DDX60L: variants seen among roughly 807,000 people sequenced by gnomAD.
DDX60L encodes DExD/H-box 60 like.
Under a neutral mutation model 211.6 loss-of-function variants are expected in DDX60L, and 191 were observed. The observed-to-expected ratio is 0.90, with a 90% CI of 0.80 to 1.02. The LOEUF is 1.02. Ranked by LOEUF, DDX60L falls within the 50% of genes least tolerant of loss-of-function variation. The pLI is 0.00. For missense variants in DDX60L, 2,007 were observed against 1,984.1 expected (o/e 1.01, Z -0.22); for synonymous variants, 706 against 694.1 (o/e 1.02, Z -0.27).
At chr4:168,422,720 T>C (rs1750832805) in intron 15 of DDX60L, 50 bp from the exon 16 acceptor site, 1 of 1,370,618 alleles carries the variant, frequency 7.3e-7, no homozygotes. Context: ...CAAAATTGAA[T>C]AAACATTTAT....
At chr4:168,464,404 T>C (rs1391122178) in intron 4 of DDX60L, among the ~76,000 whole-genome samples, 1 of 151,836 alleles carries the variant, frequency 6.6e-6, no homozygotes, top group East Asian at 1.9e-4. Flanking sequence ...CAATAGTTTT[T>C]TAATTTTTAA....
intron 24 of DDX60L, among the ~76,000 whole-genome samples, chr4:168,405,029 A>ATT (rs1747493999): frequency 2.0e-5 from 3 of 151,140 alleles, no homozygotes; most frequent in African/African-American, 7.3e-5. Flanking sequence ...TTTTTTTTGA[A>ATT]GATGAGTCTC....
chr4:168,362,182 C>T (rs1739229525), intron 36 of DDX60L, among the ~76,000 whole-genome samples: 1 of 152,268 alleles, frequency 6.6e-6, no homozygotes, highest in Admixed American at 6.5e-5. Flanking sequence ...AAGACTGCGG[C>T]ATGCCAGTCA....
rs62334117 is a variant in DDX60L at position 168,403,973 on chromosome 4, G to C, written c.3338+9C>G. ...ATAAACAAAGATAAATTAAGTTTCA[G>C]TTACTTACAAAAAAAATATTGCAGG... On this transcript the variant is annotated intron_variant, in intron 25 of 37. Transcript: ENST00000682922. 1 of 1,435,320 alleles carries C rather than the reference G, an allele frequency of 7.0e-7. No individual in the cohort carries two copies. The highest frequency in any genetic ancestry group is 9.3e-7 in the Non-Finnish European group (1 of 1,072,248). The allele number at this position is 1,435,320 out of a possible 1,614,324, so 88.9% of individuals were successfully genotyped here. A position where few individuals can be genotyped will look rare whatever the true frequency, so the allele number is the denominator to read the frequency against.
chr4:168,458,122 C>T (rs955302878), intron 5 of DDX60L, 114 bp from the exon 6 acceptor site: 8 of 578,182 alleles, frequency 1.4e-5, no homozygotes, highest in South Asian at 3.0e-5. Flanking sequence ...TCATGCTGGT[C>T]AGAATGGCGA....
intron 9 of DDX60L, 100 bp from the exon 10 acceptor site, chr4:168,441,592 G>T (rs1197249367): frequency 1.5e-5 from 15 of 970,496 alleles, no homozygotes; most frequent in Non-Finnish European, 2.3e-5. Context: ...CTGGAAAGAT[G>T]ATCAAATATG....
intron 19 of DDX60L, among the ~76,000 whole-genome samples, chr4:168,417,252 C>T (rs920204327): frequency 6.6e-6 from 1 of 152,216 alleles, no homozygotes; most frequent in Non-Finnish European, 1.5e-5. Context: ...AGCTGCTTAA[C>T]TGGAAGTGTA....
chr4:168,464,241 T>C (rs1274910721), intron 4 of DDX60L, among the ~76,000 whole-genome samples: 2 of 152,142 alleles, frequency 1.3e-5, no homozygotes, highest in African/African-American at 4.8e-5. Flanking sequence ...ACATGGTACA[T>C]TCACCAAAAT....
chr4:168,446,213 A>G (rs1418328943), intron 9 of DDX60L, among the ~76,000 whole-genome samples: 1 of 152,170 alleles, frequency 6.6e-6, no homozygotes, highest in East Asian at 1.9e-4. Context: ...TACAAAAATC[A>G]CCAGCATTCT....
intron 29 of DDX60L, among the ~76,000 whole-genome samples, chr4:168,385,764 T>C (rs990475374): frequency 6.6e-6 from 1 of 152,190 alleles, no homozygotes; most frequent in Non-Finnish European, 1.5e-5. Context: ...AGTGACAGAA[T>C]AGAAAAAGCA....
chr4:168,415,248 A>T (rs1348977925), intron 22 of DDX60L, among the ~76,000 whole-genome samples, 160 bp downstream of exon 22: 2 of 152,154 alleles, frequency 1.3e-5, no homozygotes, highest in African/African-American at 4.8e-5. Flanking sequence ...AAAATAAAAA[A>T]TGTATTAAAT....
chr4:168,357,970 A>C lies in DDX60L; in HGVS notation c.*177T>G. On this transcript the variant is annotated 3_prime_UTR_variant, in exon 38 of 38. Coordinates refer to ENST00000682922, the MANE Select transcript of DDX60L (RefSeq NM_001012967.3). ...TTTGCCAAAAATGAAGTTAAAGCTC[A>C]GATATATTACATAACTTAAAGTCAT... The C allele has an allele frequency of 1.9e-6, 1 of 536,718 alleles. No homozygotes were observed. The highest frequency in any genetic ancestry group is 3.8e-5 in the Admixed American group (1 of 26,288). 33.2% of individuals were successfully genotyped at this position (536,718 alleles called of 1,614,324 possible). A position where few individuals can be genotyped will look rare whatever the true frequency, so the allele number is the denominator to read the frequency against.
At chr4:168,426,385 G>A (rs1398766359) in intron 14 of DDX60L, among the ~76,000 whole-genome samples, 2 of 152,156 alleles carry the variant, frequency 1.3e-5, no homozygotes, top group Admixed American at 6.5e-5. Context: ...CGGAGATAAA[G>A]AGCCCAGGTA....
chr4:168,441,864 T>C (rs1004662248), intron 9 of DDX60L, among the ~76,000 whole-genome samples: 8 of 152,300 alleles, frequency 5.3e-5, no homozygotes, highest in Admixed American at 5.2e-4. Flanking sequence ...TCATAGTCCT[T>C]ATTAAATAAT....
chr4:168,400,496 G>A (rs373183114), intron 26 of DDX60L, among the ~76,000 whole-genome samples: 9 of 152,206 alleles, frequency 5.9e-5, no homozygotes, highest in African/African-American at 1.4e-4. Context: ...GTGAATAAGC[G>A]TTCTACAGAC....
intron 35 of DDX60L, among the ~76,000 whole-genome samples, chr4:168,373,461 T>C (rs1200799688): frequency 6.6e-6 from 1 of 152,196 alleles, no homozygotes; most frequent in Admixed American, 6.5e-5. Flanking sequence ...TCTGAAATTT[T>C]AGACAAAGAA....
chr4:168,422,133 T>C (rs1750734101), intron 16 of DDX60L, among the ~76,000 whole-genome samples: 1 of 152,260 alleles, frequency 6.6e-6, no homozygotes, highest in Admixed American at 6.5e-5. Context: ...TTTTACATTT[T>C]GGCCTAGAGA....
At chr4:168,427,426 C>A (rs758578188) in intron 13 of DDX60L, 104 bp from the exon 14 acceptor site, 55 of 1,270,144 alleles carry the variant, frequency 4.3e-5, no homozygotes, top group Non-Finnish European at 5.6e-5. Flanking sequence ...CTCTGGCCAT[C>A]ATTCTACTCG....
chr4:168,393,787 T>A (rs1331657366), intron 28 of DDX60L, among the ~76,000 whole-genome samples: 3 of 152,210 alleles, frequency 2.0e-5, no homozygotes, highest in African/African-American at 7.2e-5. Context: ...AGGTATGACA[T>A]TAGAAAATAG....
Sources: allele counts gnomAD v4.1 joint callset (sites outside exome capture counted in the v4.1 genomes callset), GRCh38; gene constraint gnomAD v4.1.1; transcripts MANE v1.5; gene names NCBI Gene and HGNC (gene_info 2026-07-23, HGNC 2026-07-21).